Variants in CABLES1 observed in about 807,000 individuals in gnomAD.
The protein encoded by CABLES1 is CDK5 and ABL1 enzyme substrate 1.
A neutral mutation model predicts 57.8 loss-of-function variants in CABLES1; 36 were observed. The ratio of observed to expected loss-of-function variants is 0.62; its 90% CI spans 0.48 to 0.82. The LOEUF (loss-of-function observed/expected upper bound fraction) is 0.82, where lower values mean the gene tolerates loss of function less well. Among genes scored for constraint, CABLES1 ranks in the 40% least tolerant of loss-of-function variants. CABLES1 has a pLI of 0.00. For synonymous variants in CABLES1, 374 were observed against 363.0 expected (o/e 1.03, Z -0.35); for missense variants, 767 against 836.6 (o/e 0.92, Z 1.03).
chr18:23,234,876 T>G (rs548704760), intron 5 of CABLES1, among the ~76,000 whole-genome samples, 172 bp downstream of exon 5: 5 of 152,322 alleles, frequency 3.3e-5, no homozygotes, highest in African/African-American at 1.2e-4. Context: ...CAGCCGGTGA[T>G]TGAGTAGCAG....
At chr18:23,165,174 C>T (rs945253110) in intron 1 of CABLES1, among the ~76,000 whole-genome samples, 1 of 152,146 alleles carries the variant, frequency 6.6e-6, no homozygotes, top group Non-Finnish European at 1.5e-5. Flanking sequence ...TAGCTCATTG[C>T]AGCTTCAAAC....
At chr18:23,181,760 T>G (rs566605537) in intron 1 of CABLES1, among the ~76,000 whole-genome samples, 1 of 152,286 alleles carries the variant, frequency 6.6e-6, no homozygotes, top group South Asian at 2.1e-4. Flanking sequence ...GTGTTTCCAT[T>G]TTGTTTGGGA....
intron 4 of CABLES1, among the ~76,000 whole-genome samples, chr18:23,215,237 G>A (rs77084503): frequency 6.6e-6 from 1 of 152,118 alleles, no homozygotes; most frequent in Non-Finnish European, 1.5e-5. Flanking sequence ...TGGCCAGTGG[G>A]CTGCCCAGAG....
Position 23,237,205 on chromosome 18 carries a change from G to C in CABLES1, c.1406G>C (p.Cys469Ser). The change falls in exon 7 of 10, where the codon TGT becomes TCT. Residue 469 changes from cysteine to serine, a missense_variant. By Grantham distance (112) the Cys-to-Ser change is moderately radical. Around this residue, in one of 4 missense-constraint regions of CABLES1, gnomAD observed 529 missense variants for 622.8 expected, o/e 0.85. Coordinates refer to ENST00000256925, the MANE Select transcript of CABLES1 (RefSeq NM_001100619.3). ...PNLLDDPQWPCGKHKRVLIFP... is the reference protein window; with the variant it reads ...PNLLDDPQWPSGKHKRVLIFP... ...CTCTTGGATGACCCCCAGTGGCCTT[G>C]TGGCAAACACAAACGCGTTCTGATC... The C allele has an allele frequency of 6.2e-7, 1 of 1,613,930 alleles. No homozygotes were observed. Among genetic ancestry groups the C allele is most frequent in the South Asian group, 1.1e-5 (1 of 91,084 alleles).
chr18:23,144,532 G>C (rs756442060), intron 1 of CABLES1, among the ~76,000 whole-genome samples: 1 of 152,200 alleles, frequency 6.6e-6, no homozygotes, highest in Non-Finnish European at 1.5e-5. Flanking sequence ...ATGGAGTTCT[G>C]AGTACCTCTT....
intron 1 of CABLES1, among the ~76,000 whole-genome samples, chr18:23,174,821 C>CATGTATATAT: frequency 1.1e-5 from 1 of 94,566 alleles, no homozygotes; most frequent in South Asian, 4.1e-4. Context: ...CATGTTACAC[C>CATGTATATAT]ATATATATAT....
At chr18:23,245,607 C>G (rs949563162) in intron 7 of CABLES1, among the ~76,000 whole-genome samples, 1 of 152,006 alleles carries the variant, frequency 6.6e-6, no homozygotes, top group Non-Finnish European at 1.5e-5. Flanking sequence ...TTCCTGTTAT[C>G]TCAGAAGGAA....
At chr18:23,169,872 G>C (rs1305181014) in intron 1 of CABLES1, among the ~76,000 whole-genome samples, 1 of 152,124 alleles carries the variant, frequency 6.6e-6, no homozygotes, top group Non-Finnish European at 1.5e-5. Context: ...AGGTTCCTTT[G>C]AAAACCTCGT....
intron 1 of CABLES1, among the ~76,000 whole-genome samples, chr18:23,153,161 C>T (rs1054143465): frequency 5.3e-5 from 8 of 151,780 alleles, no homozygotes; most frequent in Non-Finnish European, 1.0e-4. Flanking sequence ...AGCGGCATAA[C>T]CTTGGCTCAC....
intron 3 of CABLES1, among the ~76,000 whole-genome samples, chr18:23,196,417 G>A (rs562925769): frequency 6.6e-6 from 1 of 152,312 alleles, no homozygotes; most frequent in East Asian, 1.9e-4. Context: ...CCCACTTGAG[G>A]TTTATTAGCA....
chr18:23,251,082 G>A (rs2048025185), intron 7 of CABLES1, among the ~76,000 whole-genome samples: 1 of 152,210 alleles, frequency 6.6e-6, no homozygotes, highest in African/African-American at 2.4e-5. Flanking sequence ...GGGCTTTGCG[G>A]GCATGAGTCA....
rs891396868 is a variant in CABLES1 at position 23,258,840 on chromosome 18, C to G, written c.*1473C>G. ...GTTAGCAGAGCTGTCAGATTCTTGA[C>G]AGTCTTGGAGGATGGAGAAATTCAA... On this transcript the variant is annotated 3_prime_UTR_variant, in exon 10 of 10. Coordinates refer to ENST00000256925, the MANE Select transcript of CABLES1 (RefSeq NM_001100619.3). The G allele has an allele frequency of 2.6e-5, 4 of 152,162 alleles. No homozygotes were observed. The highest frequency in any genetic ancestry group is 9.7e-5 in the African/African-American group (4 of 41,406). The allele number at this position is 152,162 out of a possible 1,614,324, so 9.4% of individuals were successfully genotyped here. A position where few individuals can be genotyped will look rare whatever the true frequency, so the allele number is the denominator to read the frequency against.
chr18:23,187,318 T>C (rs997618550), intron 1 of CABLES1, among the ~76,000 whole-genome samples: 2 of 152,210 alleles, frequency 1.3e-5, no homozygotes, highest in East Asian at 1.9e-4. Context: ...TTCACACACA[T>C]TGATGAGTGA....
At chr18:23,154,229 T>C (rs914391692) in intron 1 of CABLES1, among the ~76,000 whole-genome samples, 1 of 152,236 alleles carries the variant, frequency 6.6e-6, no homozygotes, top group Non-Finnish European at 1.5e-5. Flanking sequence ...AGATGCCTTC[T>C]GGAAACCTCA....
chr18:23,160,966 A>G lies in CABLES1; in HGVS notation c.845+24359A>G, dbSNP rs548400079. 2.0e-4 allele frequency among the ~76,000 whole-genome samples: 30 copies of G among 152,226 alleles called. No individual in the cohort carries two copies. The South Asian group carries it at 5.8e-3, about 29-fold the overall frequency. On this transcript the variant is annotated intron_variant, in intron 1 of 9. Coordinates refer to ENST00000256925, the MANE Select transcript of CABLES1 (RefSeq NM_001100619.3). ...AAGAATCGCTTGAACCTAGGAGGCAAAGGTTGCAGTGAGCCAAGATCACAC... is the reference window on the plus strand; with the variant it reads ...AAGAATCGCTTGAACCTAGGAGGCAGAGGTTGCAGTGAGCCAAGATCACAC...
intron 1 of CABLES1, chr18:23,155,766 A>G (rs2046961320): frequency 1.3e-5 from 19 of 1,475,486 alleles, no homozygotes; most frequent in Non-Finnish European, 1.6e-5. Context: ...TGGCTTTAAG[A>G]AAATGGCTTT....
intron 2 of CABLES1, chr18:23,190,324 TG>T (rs1352470237): frequency 6.6e-6 from 1 of 152,128 alleles, no homozygotes; most frequent in Non-Finnish European, 1.5e-5. Context: ...TGAATAACGT[TG>T]AGAAGCCCCT....
At chr18:23,196,456 G>T (rs2047283517) in intron 3 of CABLES1, among the ~76,000 whole-genome samples, 1 of 152,342 alleles carries the variant, frequency 6.6e-6, no homozygotes, top group African/African-American at 2.4e-5. Flanking sequence ...ACAGATGAAA[G>T]TGAGAGCCTG....
intron 7 of CABLES1, among the ~76,000 whole-genome samples, chr18:23,243,563 A>G (rs2047795186): frequency 1.4e-5 from 2 of 139,906 alleles, no homozygotes; most frequent in African/African-American, 2.7e-5. Context: ...AGCCTCTTTT[A>G]CAATTCATTT....
Sources: allele counts gnomAD v4.1 joint callset (sites outside exome capture counted in the v4.1 genomes callset), GRCh38; gene constraint gnomAD v4.1.1; regional missense constraint gnomAD v4.1.1; transcripts MANE v1.5; gene names NCBI Gene and HGNC (gene_info 2026-07-23, HGNC 2026-07-21).